FANCD2: variants seen among roughly 807,000 people sequenced by gnomAD.
The protein encoded by FANCD2 is FA complementation group D2.
Under a neutral mutation model 192.3 loss-of-function variants are expected in FANCD2, and 131 were observed. The observed-to-expected ratio is 0.68, with a 90% CI of 0.59 to 0.79. The LOEUF (loss-of-function observed/expected upper bound fraction) is 0.79, where lower values mean the gene tolerates loss of function less well. Ranked by LOEUF, FANCD2 falls within the 30% of genes least tolerant of loss-of-function variation. The probability of loss-of-function intolerance (pLI) is 0.00; values close to 1 mark genes in which losing one functional copy is unlikely to be tolerated. For synonymous variants in FANCD2, 524 were observed against 612.5 expected, an observed-to-expected ratio of 0.86 and a Z score of 2.13; for missense variants, 1,508 against 1,701.6, an observed-to-expected ratio of 0.89 and a Z score of 2.00.
At chr3:10,038,684 G>A (rs532978698) in intron 7 of FANCD2, among the ~76,000 whole-genome samples, 2 of 150,850 alleles carry the variant, frequency 1.3e-5, no homozygotes, top group East Asian at 2.0e-4. Flanking sequence ...GGGTTCAAGC[G>A]ATTCTCCTGC....
At chr3:10,094,013 A>G (rs960317210) in intron 39 of FANCD2, among the ~76,000 whole-genome samples, 3 of 152,030 alleles carry the variant, frequency 2.0e-5, no homozygotes, top group African/African-American at 7.2e-5. Flanking sequence ...GCTCCCCTCT[A>G]CTCTATGCTC....
chr3:10,087,715 T>C (rs1694305629), intron 34 of FANCD2, among the ~76,000 whole-genome samples: 1 of 152,092 alleles, frequency 6.6e-6, no homozygotes, highest in South Asian at 2.1e-4. Context: ...TGGTGCGATG[T>C]TGGCTCACTG....
Position 10,074,558 on chromosome 3 carries a change from C to T in FANCD2, c.2744C>T (p.Ser915Leu), listed in dbSNP as rs181274599. Residue 915 changes from serine (S) to leucine (L), a missense_variant, in exon 29 of 44, where the codon TCA becomes TTA. By Grantham distance (145) the Ser-to-Leu change is moderately radical. Around this residue, in one of 5 missense-constraint regions of FANCD2, gnomAD observed 796 missense variants for 879.4 expected, o/e 0.91. Coordinates refer to ENST00000675286, the MANE Select transcript of FANCD2 (RefSeq NM_001018115.3). ...TTCACAGGGAAGGAAGAAAAGACAT[C>T]ATTGTTACTACATAATTCCCATGCT... ...KEFTGKEEKTSLLLHNSHAFF... is the reference protein window; with the variant it reads ...KEFTGKEEKTLLLLHNSHAFF... 6.4e-5 allele frequency: 103 copies of T among 1,613,700 alleles called. No homozygotes were observed. In the East Asian group the frequency reaches 2.3e-3, roughly 36 times the overall value.
intron 2 of FANCD2, among the ~76,000 whole-genome samples, chr3:10,030,590 T>C (rs2086567484): frequency 6.6e-6 from 1 of 152,122 alleles, no homozygotes; most frequent in African/African-American, 2.4e-5. Context: ...ATGTAAGGAA[T>C]AGGCTTGATT....
intron 9 of FANCD2, chr3:10,041,252 G>A (rs2086857062): frequency 7.7e-6 from 2 of 258,682 alleles, no homozygotes; most frequent in African/African-American, 4.7e-5. Context: ...TTCTCACTAT[G>A]TTGTGCTCCT....
chr3:10,094,181 T>A, intron 39 of FANCD2, 108 bp from the exon 40 acceptor site: 1 of 807,306 alleles, frequency 1.2e-6, no homozygotes, highest in Non-Finnish European at 2.1e-6. Context: ...GTTTTTTATA[T>A]ATATAAATAA....
At position 10,078,110 on chromosome 3, in the gene FANCD2, T is replaced by C; in HGVS notation, c.2889T>C (p.Pro963=). The C allele has an allele frequency of 1.2e-6, 2 of 1,613,462 alleles. No homozygotes were observed. Among genetic ancestry groups the C allele is most frequent in the Non-Finnish European group, 1.7e-6 (2 of 1,179,438 alleles). The change falls in exon 30 of 44, where the codon CCT becomes CCC. Residue 963 remains proline (P), a synonymous_variant. Transcript: ENST00000675286. ...CAGAAGTTGTGCAACTTGGGCCCCCTGAGCTGCTTTTCTTGCTGGAAGATC... is the reference window on the plus strand; with the variant it reads ...CAGAAGTTGTGCAACTTGGGCCCCCCGAGCTGCTTTTCTTGCTGGAAGATC... The part of the protein sequence containing the change: ...EATEVVQLGP[P]ELLFLLEDLS...
chr3:10,036,292 C>G lies in FANCD2; in HGVS notation c.444C>G (p.Ala148=), dbSNP rs2124978509. The G allele has an allele frequency of 1.9e-6, 3 of 1,611,550 alleles. No individual in the cohort carries two copies. The highest frequency in any genetic ancestry group is 2.5e-6 in the Non-Finnish European group (3 of 1,178,096). ...CCCTATGTCTTCTTTTTTAGCCTGC[C>G]ATTATCAAAACCTTATTTGAGAAGT... is the stretch of plus-strand genomic sequence containing the variant. ...LLLGIDILQP[A]IIKTLFEKLP... Residue 148 remains alanine, a synonymous_variant, in exon 7 of 44, where the codon GCC becomes GCG. Transcript: ENST00000675286.
rs1180995519 is a variant in FANCD2, at chr3:10,062,231, T to G, written c.1827+20T>G. ...ACACAGGTGAGTTCTTTTTTTCCTT[T>G]CTTTCTTTTTCCTGTCTTTTTTTTT... On this transcript the variant is annotated intron_variant, in intron 20 of 43. Coordinates refer to ENST00000675286, the MANE Select transcript of FANCD2 (RefSeq NM_001018115.3). 6.2e-6 allele frequency: 10 copies of G among 1,606,186 alleles called. No individual in the cohort carries two copies. The East Asian group carries it at 2.2e-4, about 36-fold the overall frequency.
In FANCD2 at chr3:10,032,338, T is replaced by C. The variant is rs1004397528; in HGVS notation, c.65-494T>C. 3 of 414,292 alleles carry C rather than the reference T, an allele frequency of 7.2e-6. No individual in the cohort carries two copies. In the Admixed American group the frequency reaches 8.9e-5, roughly 12 times the overall value. 25.7% of individuals were successfully genotyped at this position (414,292 alleles called of 1,614,324 possible). On this transcript the variant is annotated intron_variant, in intron 2 of 43. Coordinates refer to ENST00000675286, the MANE Select transcript of FANCD2 (RefSeq NM_001018115.3). ...CTCTGTCACCCAGGCTGGAGTGCAG[T>C]GGTAATATCATAGCTCACTATAGCC... is the stretch of plus-strand genomic sequence containing the variant.
In FANCD2 at chr3:10,032,986, C is replaced by T. The variant is rs2086640758; in HGVS notation, c.205+14C>T. ...AGAATCAACTAGGTAATATTTTAAT[C>T]TAATTTTATTCTCTGGGTTTAATGA... On this transcript the variant is annotated intron_variant, in intron 3 of 43. Coordinates refer to ENST00000675286, the MANE Select transcript of FANCD2 (RefSeq NM_001018115.3). The T allele has an allele frequency of 2.6e-6, 4 of 1,539,740 alleles. No individual in the cohort carries two copies. Among genetic ancestry groups the T allele is most frequent in the Non-Finnish European group, 3.6e-6 (4 of 1,113,332 alleles).
At chr3:10,041,594 C>CA (rs778899016) in intron 9 of FANCD2, 29 bp from the exon 10 acceptor site, 1 of 1,489,926 alleles carries the variant, frequency 6.7e-7, no homozygotes, top group East Asian at 2.3e-5. Context: ...AACCATTATA[C>CA]AACTTTTTTC....
intron 36 of FANCD2, among the ~76,000 whole-genome samples, 163 bp downstream of exon 36, chr3:10,089,113 T>C (rs1402511278): frequency 2.0e-5 from 3 of 151,978 alleles, no homozygotes; most frequent in Admixed American, 2.0e-4. Context: ...AGTGAAACCC[T>C]GTCCCTACTA....
Position 10,042,635 on chromosome 3 carries a change from A to G in FANCD2, c.860A>G (p.His287Arg). Residue 287 changes from histidine to arginine, a missense_variant, in exon 11 of 44, where the codon CAT (histidine) becomes CGT (arginine). By Grantham distance (29) the His-to-Arg change is conservative (BLOSUM62 0). Coordinates refer to ENST00000675286, the MANE Select transcript of FANCD2 (RefSeq NM_001018115.3). ...CCTGTGATAATAAAGTTCATTCTTC[A>G]TTCCGTAACAGCCATGGATACACTT... ...DLPVIIKFILHSVTAMDTLEV... is the reference protein window; with the variant it reads ...DLPVIIKFILRSVTAMDTLEV... The G allele has an allele frequency of 6.2e-7, 1 of 1,614,018 alleles. No homozygotes were observed. Among genetic ancestry groups the G allele is most frequent in the Non-Finnish European group, 8.5e-7 (1 of 1,179,912 alleles).
chr3:10,074,277 T>A (rs1246862867), intron 28 of FANCD2, among the ~76,000 whole-genome samples: 1 of 152,102 alleles, frequency 6.6e-6, no homozygotes, highest in South Asian at 2.1e-4. Flanking sequence ...CCTAAATGCC[T>A]TGATTTGCCT....
chr3:10,030,856 C>T (rs901654529), intron 2 of FANCD2, among the ~76,000 whole-genome samples: 5 of 152,000 alleles, frequency 3.3e-5, no homozygotes, highest in East Asian at 1.9e-4. Context: ...GCTGAGATCA[C>T]GCCACTGCCC....
intron 7 of FANCD2, among the ~76,000 whole-genome samples, chr3:10,037,351 G>A (rs1262776130): frequency 6.6e-6 from 1 of 152,086 alleles, no homozygotes; most frequent in East Asian, 1.9e-4. Flanking sequence ...CTCTCAAAGG[G>A]TCTCCTTGTT....
chr3:10,095,293 T>G lies in FANCD2; in HGVS notation c.4038+19T>G. On this transcript the variant is annotated intron_variant, in intron 41 of 43. Transcript: ENST00000675286. Reference sequence around the variant, plus strand: ...TTCCAAGGTAAGAAGGGGAGCAGGTTCTATCAGCAGCCTGCCTGTTGGCTT... The same window carrying G: ...TTCCAAGGTAAGAAGGGGAGCAGGTGCTATCAGCAGCCTGCCTGTTGGCTT... 1.9e-6 allele frequency: 3 copies of G among 1,608,662 alleles called. 1 individual carries two copies. In the South Asian group the frequency reaches 3.3e-5, roughly 18 times the overall value.
chr3:10,041,822 GA>G, intron 10 of FANCD2, 112 bp downstream of exon 10: 2 of 748,714 alleles, frequency 2.7e-6, no homozygotes, highest in South Asian at 2.9e-5. Flanking sequence ...AAACCATAGT[GA>G]ATCACATTTG....
Sources: gnomAD v4.1 joint callset for allele counts (sites outside exome capture counted in the v4.1 genomes callset) on GRCh38, gnomAD v4.1.1 for gene constraint, gnomAD v4.1.1 regional missense constraint, MANE v1.5 for transcripts, NCBI Gene and HGNC (gene_info 2026-07-23, HGNC 2026-07-21) for gene names.